PRKDC: variants seen among roughly 807,000 people sequenced by gnomAD.
The protein encoded by PRKDC is DNA-dependent protein kinase catalytic subunit.
A neutral mutation model predicts 486.9 loss-of-function variants in PRKDC; 82 were observed. The ratio of observed to expected loss-of-function variants is 0.17; its 90% confidence interval spans 0.14 to 0.20. PRKDC has a LOEUF of 0.20. PRKDC is among the 10% of genes least tolerant of loss of function. The pLI, the probability that PRKDC is intolerant of heterozygous loss-of-function variation, is 1.00. For synonymous variants in PRKDC, 1,895 were observed against 1,837.0 expected (o/e 1.03, Z -0.81); for missense variants, 4,504 against 5,038.2 (o/e 0.89, Z 3.21).
chr8:47,823,761 C>A (rs1183095512), intron 64 of PRKDC, 97 bp downstream of exon 64: 46 of 1,408,024 alleles, frequency 3.3e-5, no homozygotes, highest in Admixed American at 3.7e-5. Context: ...ATTGAACCAA[C>A]AAGGATCTGC....
chr8:47,916,040 T>C (rs974293167), intron 22 of PRKDC, among the ~76,000 whole-genome samples: 1 of 152,240 alleles, frequency 6.6e-6, no homozygotes, highest in Admixed American at 6.5e-5. Flanking sequence ...AAACATCATG[T>C]ATTCCTCATC....
At chr8:47,857,058 A>T in intron 49 of PRKDC, 98 bp downstream of exon 49, 9 of 1,301,432 alleles carry the variant, frequency 6.9e-6, no homozygotes, top group Non-Finnish European at 9.2e-6. Flanking sequence ...TGAAAACCAT[A>T]GCACAGTCAG....
intron 66 of PRKDC, among the ~76,000 whole-genome samples, 162 bp from the exon 67 acceptor site, chr8:47,819,672 CAAAT>C (rs2087539667): frequency 6.6e-6 from 1 of 151,958 alleles, no homozygotes; most frequent in African/African-American, 2.4e-5. Context: ...AGACAGTTAA[CAAAT>C]AGTTTAAATT....
rs56188476 is a variant in PRKDC at position 47,930,024 on chromosome 8, A to C, written c.1893-12T>G. 6.2e-4 allele frequency: 979 copies of C among 1,590,398 alleles called. 5 individuals carry two copies. The African/African-American group carries it at 0.012, about 19-fold the overall frequency. On this transcript the variant is annotated splice_polypyrimidine_tract_variant and intron_variant, in intron 17 of 85. Transcript: ENST00000314191. ...CAGGGAGAATCTCTCTGTAAAAACA[A>C]ATTAGAAATTGAAGGTAGAAATTTG...
chr8:47,862,842 G>A (rs552039066), intron 42 of PRKDC, among the ~76,000 whole-genome samples: 5 of 152,266 alleles, frequency 3.3e-5, no homozygotes, highest in Middle Eastern at 3.4e-3. Flanking sequence ...ATGACTGAAC[G>A]GTGACATCAT....
chr8:47,949,359 T>C (rs2090589724), intron 7 of PRKDC, among the ~76,000 whole-genome samples: 1 of 152,262 alleles, frequency 6.6e-6, no homozygotes, highest in Non-Finnish European at 1.5e-5. Flanking sequence ...GCAAGTTACT[T>C]AACCTGTCTG....
At chr8:47,907,046 GTT>G (rs564861532) in intron 25 of PRKDC, among the ~76,000 whole-genome samples, 1 of 147,966 alleles carries the variant, frequency 6.8e-6, no homozygotes, top group African/African-American at 2.5e-5. Context: ...TCATACTGGT[GTT>G]TTTTTTTTGA....
At chr8:47,806,265 C>T (rs1007622842) in intron 69 of PRKDC, among the ~76,000 whole-genome samples, 1 of 152,180 alleles carries the variant, frequency 6.6e-6, no homozygotes, top group Non-Finnish European at 1.5e-5. Context: ...TTCCCCTCAT[C>T]ATGCCAGACA....
chr8:47,879,775 C>A, intron 38 of PRKDC, 117 bp from the exon 39 acceptor site: 1 of 769,238 alleles, frequency 1.3e-6, no homozygotes, highest in Non-Finnish European at 1.9e-6. Flanking sequence ...CAATGAATGG[C>A]TTCACCATAA....
intron 18 of PRKDC, 21 bp from the exon 19 acceptor site, chr8:47,929,199 T>A: frequency 6.8e-7 from 1 of 1,481,348 alleles, no homozygotes; most frequent in Non-Finnish European, 9.3e-7. Context: ...AAACAGCAAG[T>A]TAGTACACTG....
chr8:47,788,433 T>C (rs1055770863), intron 76 of PRKDC, among the ~76,000 whole-genome samples: 1 of 152,228 alleles, frequency 6.6e-6, no homozygotes, highest in African/African-American at 2.4e-5. Flanking sequence ...ACACTTGTCC[T>C]AGGCACAGCT....
At chr8:47,938,139 G>A (rs2090385331) in intron 11 of PRKDC, among the ~76,000 whole-genome samples, 2 of 151,906 alleles carry the variant, frequency 1.3e-5, no homozygotes, top group Non-Finnish European at 2.9e-5. Context: ...AGGAGCGGTG[G>A]CTCATGCCTG....
chr8:47,929,915 T>C lies in PRKDC; in HGVS notation c.1990A>G (p.Ser664Gly). The C allele has an allele frequency of 1.9e-6, 3 of 1,608,518 alleles. No homozygotes were observed. Among genetic ancestry groups the C allele is most frequent in the Non-Finnish European group, 2.5e-6 (3 of 1,178,428 alleles). ...ATAGAAAGCAATTTGTAGAAACCAC[T>C]GATGAGGGGCAACCTTGTAGATTGC... The part of the protein sequence containing the change: ...ILQSTRLPLI[S>G]GFYKLLSITV... The change falls in exon 18 of 86, where the codon AGT becomes GGT. Residue 664 changes from serine (S) to glycine (G), a missense_variant. Ser to Gly is a moderately conservative substitution (Grantham distance 56, BLOSUM62 0). Around this residue, in one of 6 missense-constraint regions of PRKDC, gnomAD observed 1,969 missense variants for 2,068.9 expected, o/e 0.95. Coordinates refer to ENST00000314191, the MANE Select transcript of PRKDC (RefSeq NM_006904.7).
At chr8:47,874,564 C>T (rs1320042345) in intron 40 of PRKDC, among the ~76,000 whole-genome samples, 1 of 152,064 alleles carries the variant, frequency 6.6e-6, no homozygotes, top group Non-Finnish European at 1.5e-5. Flanking sequence ...TTGAGACCAG[C>T]CTGGGCAACA....
At chr8:47,936,620 A>G (rs532630475) in intron 11 of PRKDC, 103 bp from the exon 12 acceptor site, 1 of 1,372,168 alleles carries the variant, frequency 7.3e-7, no homozygotes, top group South Asian at 1.4e-5. Flanking sequence ...AAGTTTAACA[A>G]GGCTTCTTTT....
intron 64 of PRKDC, 127 bp from the exon 65 acceptor site, chr8:47,821,919 G>C: frequency 3.4e-6 from 3 of 890,900 alleles, no homozygotes; most frequent in Non-Finnish European, 4.9e-6. Flanking sequence ...AAAGGAGAGA[G>C]AAAAGAGAAG....
intron 36 of PRKDC, among the ~76,000 whole-genome samples, chr8:47,884,827 A>G (rs1589764782): frequency 6.6e-6 from 1 of 152,216 alleles, no homozygotes; most frequent in Admixed American, 6.5e-5. Context: ...TTAGCAAACG[A>G]AAGTCAACTA....
chr8:47,922,960 G>T (rs532373779), intron 21 of PRKDC, among the ~76,000 whole-genome samples: 6 of 152,056 alleles, frequency 3.9e-5, no homozygotes, highest in Non-Finnish European at 4.4e-5. Flanking sequence ...AGCCTAAAAA[G>T]ATAGTATGAG....
intron 49 of PRKDC, among the ~76,000 whole-genome samples, chr8:47,856,056 C>T (rs2088534277): frequency 2.0e-5 from 3 of 152,158 alleles, no homozygotes; most frequent in South Asian, 2.1e-4. Flanking sequence ...TTCAACGGAC[C>T]CTTGTTAAAC....
Sources: gnomAD v4.1 joint callset for allele counts (sites outside exome capture counted in the v4.1 genomes callset) on GRCh38, gnomAD v4.1.1 for gene constraint, gnomAD v4.1.1 regional missense constraint, MANE v1.5 for transcripts, NCBI Gene and HGNC (gene_info 2026-07-23, HGNC 2026-07-21) for gene names.